Variants in DLG2 observed in about 807,000 individuals in gnomAD.
DLG2 encodes disks large homolog 2.
Under a neutral mutation model 132.5 loss-of-function variants are expected in DLG2, and 45 were observed. The ratio of observed to expected loss-of-function variants is 0.34; its 90% CI spans 0.27 to 0.44. The LOEUF (loss-of-function observed/expected upper bound fraction) is 0.44. Ranked by LOEUF, DLG2 falls within the 20% of genes least tolerant of loss-of-function variation. The pLI is 1.00. For missense variants in DLG2, 1,045 were observed against 1,196.9 expected (o/e 0.87, Z 1.87); for synonymous variants, 424 against 419.6 (o/e 1.01, Z -0.13).
At chr11:84,090,922 T>C (rs2097081694) in intron 10 of DLG2, among the ~76,000 whole-genome samples, 1 of 152,208 alleles carries the variant, frequency 6.6e-6, no homozygotes, top group Non-Finnish European at 1.5e-5. Flanking sequence ...GCAAAGGCTT[T>C]TTTACTGATA....
intron 6 of DLG2, among the ~76,000 whole-genome samples, chr11:84,856,143 A>T (rs1449611931): frequency 6.6e-6 from 1 of 152,082 alleles, no homozygotes; most frequent in Non-Finnish European, 1.5e-5. Flanking sequence ...GCCTTCCCAT[A>T]GGTCCTCATT....
chr11:84,445,915 C>CAAAA (rs58758315), intron 7 of DLG2, among the ~76,000 whole-genome samples: 5 of 59,830 alleles, frequency 8.4e-5, no homozygotes, highest in Non-Finnish European at 1.3e-4. Flanking sequence ...GACTTCGCCT[C>CAAAA]AAAAAAAAAA....
chr11:85,223,679 A>C (rs1164353798), intron 4 of DLG2, among the ~76,000 whole-genome samples: 1 of 152,088 alleles, frequency 6.6e-6, no homozygotes, highest in African/African-American at 2.4e-5. Flanking sequence ...AAAGTCTAGA[A>C]TACAGGAGAA....
rs182663186 is a variant in DLG2, at chr11:83,851,383, G to A, written c.1566-17613C>T. Among the ~76,000 whole-genome samples the A allele has an allele frequency of 3.5e-3, 526 of 152,180 alleles. 4 individuals are homozygous for A. Among genetic ancestry groups the A allele is most frequent in the African/African-American group, 0.012 (508 of 41,528 alleles). ...CTCATGCCTATAATCCCAGCACTTT[G>A]GGAGTCCAAGGCAGGTGAATCACCT... On this transcript the variant is annotated intron_variant, in intron 16 of 27. Transcript: ENST00000376104.
At chr11:83,662,668 T>C (rs2074594749) in intron 18 of DLG2, among the ~76,000 whole-genome samples, 1 of 152,226 alleles carries the variant, frequency 6.6e-6, no homozygotes, top group African/African-American at 2.4e-5. Flanking sequence ...GTTCTGGCTC[T>C]TGCTACTGGT....
intron 17 of DLG2, among the ~76,000 whole-genome samples, chr11:83,832,457 A>G (rs1358143554): frequency 6.6e-6 from 1 of 152,178 alleles, no homozygotes; most frequent in Non-Finnish European, 1.5e-5. Flanking sequence ...CTTTGCACCA[A>G]TGCAGATGCC....
chr11:83,905,825 A>G (rs1436024879), intron 15 of DLG2, among the ~76,000 whole-genome samples: 1 of 152,144 alleles, frequency 6.6e-6, no homozygotes, highest in Non-Finnish European at 1.5e-5. Flanking sequence ...TTTGTACATT[A>G]TCAACATACT....
At chr11:85,421,515 G>A (rs2090307609) in intron 3 of DLG2, among the ~76,000 whole-genome samples, 3 of 150,996 alleles carry the variant, frequency 2.0e-5, no homozygotes, top group South Asian at 4.2e-4. Context: ...TGCCTGAAAT[G>A]TCTTTTTTCA....
chr11:85,606,275 A>G (rs1028567055), intron 2 of DLG2, among the ~76,000 whole-genome samples: 4 of 152,208 alleles, frequency 2.6e-5, no homozygotes, highest in African/African-American at 9.7e-5. Context: ...CATTAGGACT[A>G]GAAAATGAAA....
chr11:84,478,592 T>C (rs896696901), intron 7 of DLG2, among the ~76,000 whole-genome samples: 10 of 152,108 alleles, frequency 6.6e-5, no homozygotes, highest in African/African-American at 2.4e-4. Context: ...GATAAATCCC[T>C]GAGAGTAGAA....
chr11:85,457,873 T>C (rs1056037497), intron 3 of DLG2, among the ~76,000 whole-genome samples: 1 of 152,186 alleles, frequency 6.6e-6, no homozygotes, highest in Non-Finnish European at 1.5e-5. Flanking sequence ...ACATTTTTTC[T>C]TTCATTTCAA....
chr11:85,151,603 T>C (rs999754319), intron 5 of DLG2, among the ~76,000 whole-genome samples: 1 of 152,232 alleles, frequency 6.6e-6, no homozygotes, highest in Non-Finnish European at 1.5e-5. Flanking sequence ...ATCTTTTGCA[T>C]GTAGATATCC....
At chr11:84,589,458 T>G (rs1207769831) in intron 6 of DLG2, among the ~76,000 whole-genome samples, 1 of 152,074 alleles carries the variant, frequency 6.6e-6, no homozygotes, top group African/African-American at 2.4e-5. Flanking sequence ...TGAAAAGTCA[T>G]TAATGTGAAA....
intron 7 of DLG2, among the ~76,000 whole-genome samples, chr11:84,282,332 G>A (rs2097861775): frequency 6.6e-6 from 1 of 152,124 alleles, no homozygotes; most frequent in Admixed American, 6.5e-5. Context: ...AGAAAGGAGA[G>A]TAATAGTTGA....
chr11:84,278,062 T>G (rs887378633), intron 7 of DLG2, among the ~76,000 whole-genome samples: 1 of 148,490 alleles, frequency 6.7e-6, no homozygotes, highest in Non-Finnish European at 1.5e-5. Context: ...TTTTTTTTTT[T>G]TTTTTTTTTG....
At chr11:85,197,709 A>G (rs1466986134) in intron 4 of DLG2, among the ~76,000 whole-genome samples, 1 of 152,210 alleles carries the variant, frequency 6.6e-6, no homozygotes, top group African/African-American at 2.4e-5. Context: ...CCTTTATTTT[A>G]TAAACAAAGA....
At chr11:83,483,561 T>A (rs148373548) in intron 22 of DLG2, among the ~76,000 whole-genome samples, 357 of 152,286 alleles carry the variant, frequency 2.3e-3, no homozygotes, top group African/African-American at 8.2e-3. Context: ...AATGCCAATT[T>A]TTTGACCATG....
chr11:84,263,430 G>C (rs530340633), intron 7 of DLG2, among the ~76,000 whole-genome samples: 2 of 152,184 alleles, frequency 1.3e-5, no homozygotes, highest in African/African-American at 4.8e-5. Flanking sequence ...CTTAGACAAG[G>C]CACCTCAAAA....
At chr11:83,614,640 G>T (rs1408603369) in intron 19 of DLG2, among the ~76,000 whole-genome samples, 1 of 151,992 alleles carries the variant, frequency 6.6e-6, no homozygotes, top group Admixed American at 6.6e-5. Flanking sequence ...GATCACCTGA[G>T]CCTGGGGAGG....
Sources: allele counts gnomAD v4.1 joint callset (sites outside exome capture counted in the v4.1 genomes callset), GRCh38; gene constraint gnomAD v4.1.1; transcripts MANE v1.5; gene names NCBI Gene and HGNC (gene_info 2026-07-23, HGNC 2026-07-21).